Variants in GRK4 observed in about 807,000 individuals in gnomAD.
GRK4 encodes the protein G protein-coupled receptor kinase 2-like.
In GRK4, 73 loss-of-function variants were observed where a neutral mutation model predicts 77.9. That is an observed-to-expected ratio of 0.94 (90% CI 0.78 to 1.14). The LOEUF (loss-of-function observed/expected upper bound fraction) is 1.14. GRK4 is among the 50% of genes most tolerant of loss of function. GRK4 has a pLI of 0.00. For synonymous variants in GRK4, 257 were observed against 254.4 expected (o/e 1.01, Z -0.10); for missense variants, 729 against 700.2 (o/e 1.04, Z -0.46).
Position 2,997,769 on chromosome 4 carries a change from A to G in GRK4, c.339+5477A>G, listed in dbSNP as rs567893940. Among the ~76,000 whole-genome samples, 106 of 152,054 alleles carry G rather than the reference A, an allele frequency of 7.0e-4. 1 individual carries two copies. Among genetic ancestry groups the G allele is most frequent in the African/African-American group, 2.3e-3 (95 of 41,482 alleles). On this transcript the variant is annotated intron_variant, in intron 4 of 15. Coordinates refer to ENST00000398052, the MANE Select transcript of GRK4 (RefSeq NM_182982.3). ...CTAAAAATACAAATATTAGCCGGCC[A>G]TGGTGGTGCACGCCTATAGTCCCAG...
intron 9 of GRK4, among the ~76,000 whole-genome samples, 184 bp downstream of exon 9, chr4:3,020,015 G>C (rs550183820): frequency 1.6e-3 from 250 of 152,120 alleles, no homozygotes; most frequent in African/African-American, 5.6e-3. Flanking sequence ...GAGGGCCCTG[G>C]GTGTTTTTTT....
intron 2 of GRK4, chr4:2,987,271 A>C: frequency 5.7e-6 from 2 of 353,950 alleles, no homozygotes; most frequent in South Asian, 2.2e-5. Flanking sequence ...AAAGTACTTC[A>C]TCCTTTTTTG....
intron 1 of GRK4, among the ~76,000 whole-genome samples, chr4:2,977,653 G>A (rs75690781): frequency 0.033 from 4,956 of 152,262 alleles, 107 homozygotes; most frequent in African/African-American, 0.048. Flanking sequence ...TTCCAGGCTG[G>A]CAGAAGTTCT....
At chr4:2,985,085 C>A (rs1484028273) in intron 2 of GRK4, among the ~76,000 whole-genome samples, 3 of 152,136 alleles carry the variant, frequency 2.0e-5, no homozygotes, top group Non-Finnish European at 4.4e-5. Context: ...TGTTTAGTAG[C>A]CTTCCAGACA....
At position 2,992,286 on chromosome 4, in the gene GRK4, T is replaced by C. The variant is rs55646607; in HGVS notation, c.333T>C (p.Asn111=). 0.027 allele frequency: 43,571 copies of C among 1,590,344 alleles called. 895 individuals are homozygous for C. Among genetic ancestry groups the C allele is most frequent in the African/African-American group, 0.094 (7,013 of 74,394 alleles). The part of the protein sequence containing the change: ...CGLSILDRFF[N]DKLAAPLPEI... ...TGTCAATCTTAGATAGATTCTTCAA[T>C]GATAAGGTGTGTTTTCTTCTTTAGA... Residue 111 remains asparagine (N), a synonymous_variant, in exon 4 of 16, where the codon AAT becomes AAC. Coordinates refer to ENST00000398052, the MANE Select transcript of GRK4 (RefSeq NM_182982.3).
chr4:2,980,878 A>G (rs546739235), intron 1 of GRK4, among the ~76,000 whole-genome samples: 23 of 152,306 alleles, frequency 1.5e-4, no homozygotes, highest in South Asian at 4.1e-4. Flanking sequence ...GTCTTTCACT[A>G]CTGGTCCAGA....
chr4:3,035,442 G>A lies in GRK4; in HGVS notation c.1326G>A (p.Gly442=). 2 of 1,613,876 alleles carry A rather than the reference G, an allele frequency of 1.2e-6. No homozygotes were observed. The highest frequency in any genetic ancestry group is 1.7e-6 in the Non-Finnish European group (2 of 1,179,942). ...GCTGCAGGGGCGAGGGAGCGGCTGG[G>A]GTGAAGCAGCACCCCGTGTTCAAGG... ...RLGCRGEGAA[G]VKQHPVFKDI... The change falls in exon 13 of 16, where the codon GGG becomes GGA. Residue 442 remains glycine, a synonymous_variant. Transcript: ENST00000398052.
At chr4:3,037,574 T>C in intron 14 of GRK4, 63 bp downstream of exon 14, 5 of 1,521,700 alleles carry the variant, frequency 3.3e-6, no homozygotes, top group Non-Finnish European at 4.5e-6. Flanking sequence ...GAAAAGGGTG[T>C]GTGTGTGTCC....
chr4:3,014,195 C>T (rs1733756569), intron 8 of GRK4, among the ~76,000 whole-genome samples: 1 of 152,030 alleles, frequency 6.6e-6, no homozygotes, highest in South Asian at 2.1e-4. Context: ...CACAGCCAGC[C>T]AGAGCTTATC....
At chr4:2,976,531 T>C (rs80076664) in intron 1 of GRK4, among the ~76,000 whole-genome samples, 36,644 of 151,826 alleles carry the variant, frequency 0.24, 4,886 homozygotes, top group Non-Finnish European at 0.29. Flanking sequence ...TGTAATTTTG[T>C]CCTTTGATGA....
intron 1 of GRK4, among the ~76,000 whole-genome samples, chr4:2,968,349 C>CT (rs889660493): frequency 6.6e-6 from 1 of 152,142 alleles, no homozygotes; most frequent in African/African-American, 2.4e-5. Context: ...TGAGCAGTTT[C>CT]TTTAACACCT....
At chr4:3,009,733 A>G (rs1732349774) in intron 7 of GRK4, 22 bp downstream of exon 7, 2 of 1,595,026 alleles carry the variant, frequency 1.3e-6, no homozygotes, top group African/African-American at 2.7e-5. Context: ...GAGCCAGTTC[A>G]TAGCAGCGCT....
rs1015872447 is a variant in GRK4, at chr4:3,037,529, C to G, written c.1545+18C>G. ...AGAATGAGGTACTGCCCTTCCAGCACAGCCGCTTTACGTTAGTTCCAACAG... is the reference window on the plus strand; with the variant it reads ...AGAATGAGGTACTGCCCTTCCAGCAGAGCCGCTTTACGTTAGTTCCAACAG... On this transcript the variant is annotated intron_variant, in intron 14 of 15. Coordinates refer to ENST00000398052, the MANE Select transcript of GRK4 (RefSeq NM_182982.3). The G allele has an allele frequency of 6.3e-7, 1 of 1,591,250 alleles. No homozygotes were observed.
At chr4:2,991,370 A>G (rs948771708) in intron 3 of GRK4, among the ~76,000 whole-genome samples, 2 of 152,230 alleles carry the variant, frequency 1.3e-5, no homozygotes, top group African/African-American at 4.8e-5. Context: ...CCTTCCCAGC[A>G]GCACCTGGAT....
chr4:3,025,680 C>T (rs1310770059), intron 10 of GRK4, among the ~76,000 whole-genome samples: 7 of 151,998 alleles, frequency 4.6e-5, no homozygotes, highest in South Asian at 4.2e-4. Context: ...GCTTGAGCAC[C>T]GCGCCCGGCC....
At chr4:3,009,810 A>T in intron 7 of GRK4, 99 bp downstream of exon 7, 2 of 760,828 alleles carry the variant, frequency 2.6e-6, no homozygotes, top group South Asian at 3.7e-5. Flanking sequence ...CTCCCAGTAC[A>T]CTGTTGCCTT....
chr4:2,982,424 A>G (rs1723122987), intron 1 of GRK4, among the ~76,000 whole-genome samples: 1 of 152,260 alleles, frequency 6.6e-6, no homozygotes, highest in Non-Finnish European at 1.5e-5. Flanking sequence ...AGTTGGGAGA[A>G]GCCAGGGAAC....
At chr4:3,028,493 G>T (rs552476610) in intron 11 of GRK4, among the ~76,000 whole-genome samples, 1 of 152,298 alleles carries the variant, frequency 6.6e-6, no homozygotes, top group East Asian at 1.9e-4. Context: ...CCCTGGGATA[G>T]ATGGCAAGAC....
rs569523774 is a variant in GRK4, at chr4:2,985,868, G to A, written c.148+1260G>A. On this transcript the variant is annotated intron_variant, in intron 2 of 15. Transcript: ENST00000398052. ...AAAAAAATTAGCTGGGCGAGGTGGCGGGCGCCTGTAGTCCCAGCTACTTGG... is the reference window on the plus strand; with the variant it reads ...AAAAAAATTAGCTGGGCGAGGTGGCAGGCGCCTGTAGTCCCAGCTACTTGG... 1.8e-4 allele frequency: 30 copies of A among 165,830 alleles called. 2 individuals are homozygous for A. Among genetic ancestry groups the A allele is most frequent in the South Asian group, 1.8e-3 (17 of 9,412 alleles). 10.3% of individuals were successfully genotyped at this position (165,830 alleles called of 1,614,324 possible). A position where few individuals can be genotyped will look rare whatever the true frequency, so the allele number is the denominator to read the frequency against.
Sources: gnomAD v4.1 joint callset for allele counts (sites outside exome capture counted in the v4.1 genomes callset) on GRCh38, gnomAD v4.1.1 for gene constraint, MANE v1.5 for transcripts, NCBI Gene and HGNC (gene_info 2026-07-23, HGNC 2026-07-21) for gene names.